GFRA1: variants seen among roughly 807,000 people sequenced by gnomAD.
GFRA1 encodes the protein GDNF family receptor alpha 1.
In GFRA1, 16 loss-of-function variants were observed where a neutral mutation model predicts 51.6. That is an observed-to-expected ratio of 0.31 (90% confidence interval 0.21 to 0.47). The LOEUF (loss-of-function observed/expected upper bound fraction) is 0.47. GFRA1 is among the 20% of genes least tolerant of loss of function. The probability of loss-of-function intolerance (pLI) is 1.00; values close to 1 mark genes in which losing one functional copy is unlikely to be tolerated. For missense variants in GFRA1, 530 were observed against 594.3 expected (o/e 0.89, Z 1.13); for synonymous variants, 270 against 241.3 (o/e 1.12, Z -1.10).
At chr10:116,180,654 G>T (rs1962124066) in intron 5 of GFRA1, among the ~76,000 whole-genome samples, 1 of 152,018 alleles carries the variant, frequency 6.6e-6, no homozygotes, top group Non-Finnish European at 1.5e-5. Context: ...GCCAATCATT[G>T]GCCTCTCTGC....
chr10:116,226,689 CT>C (rs1323054423), intron 4 of GFRA1: 21 of 250,834 alleles, frequency 8.4e-5, no homozygotes, highest in Admixed American at 4.6e-4. Flanking sequence ...CACTTTATTT[CT>C]ATTAGTACTA....
chr10:116,229,485 A>G (rs1043137263), intron 4 of GFRA1, among the ~76,000 whole-genome samples: 3 of 152,194 alleles, frequency 2.0e-5, no homozygotes, highest in Admixed American at 6.5e-5. Flanking sequence ...AACCAATACC[A>G]ACAATAGCAT....
chr10:116,156,224 A>G (rs17094255), intron 5 of GFRA1, among the ~76,000 whole-genome samples: 1,585 of 152,302 alleles, frequency 0.01, 35 homozygotes, highest in African/African-American at 0.036. Flanking sequence ...TTTGAATGAG[A>G]ATAATCTATC....
chr10:116,211,650 CAAGA>C lies in GFRA1; in HGVS notation c.419-9_419-6del. ...ACTTACCTTGCTGAAAAACATCTGC[CAAGA>C]AAGAAGAAAAGTAGGGGAGGGGAGA... On this transcript the variant is annotated splice_polypyrimidine_tract_variant and splice_region_variant and intron_variant, in intron 4 of 10. Transcript: ENST00000355422. The C allele has an allele frequency of 1.3e-6, 2 of 1,549,546 alleles. No individual in the cohort carries two copies. Among genetic ancestry groups the C allele is most frequent in the Non-Finnish European group, 1.7e-6 (2 of 1,145,562 alleles).
intron 5 of GFRA1, among the ~76,000 whole-genome samples, chr10:116,163,074 T>G (rs544426203): frequency 1.3e-5 from 2 of 152,272 alleles, no homozygotes; most frequent in East Asian, 3.9e-4. Context: ...GCCTCACTCT[T>G]AATCACCCCA....
At chr10:116,261,523 CCT>C (rs1020591600) in intron 4 of GFRA1, among the ~76,000 whole-genome samples, 67 of 152,266 alleles carry the variant, frequency 4.4e-4, no homozygotes, top group African/African-American at 1.5e-3. Context: ...TCTCTTTTCC[CCT>C]GTCTTCTGCA....
intron 6 of GFRA1, among the ~76,000 whole-genome samples, chr10:116,117,997 G>A (rs1052423623): frequency 1.8e-4 from 28 of 151,576 alleles, no homozygotes; most frequent in African/African-American, 6.1e-4. Flanking sequence ...TGGTGCTCCC[G>A]AGATTCAGCC....
At chr10:116,083,609 C>T (rs1168545349) in intron 9 of GFRA1, among the ~76,000 whole-genome samples, 1 of 152,132 alleles carries the variant, frequency 6.6e-6, no homozygotes, top group Non-Finnish European at 1.5e-5. Flanking sequence ...TTTTAAAACT[C>T]GACACTTAAA....
chr10:116,251,060 G>A (rs756511319), intron 4 of GFRA1, among the ~76,000 whole-genome samples: 4 of 152,134 alleles, frequency 2.6e-5, no homozygotes, highest in Non-Finnish European at 5.9e-5. Context: ...CGTGTAAAAG[G>A]GTCCCCTTCT....
intron 9 of GFRA1, among the ~76,000 whole-genome samples, chr10:116,082,603 C>T (rs1287108385): frequency 6.6e-6 from 1 of 152,104 alleles, no homozygotes; most frequent in Non-Finnish European, 1.5e-5. Context: ...GCTTCAGCCT[C>T]CTGAGTAGCT....
intron 6 of GFRA1, among the ~76,000 whole-genome samples, chr10:116,105,523 C>A (rs1263923978): frequency 6.6e-6 from 1 of 152,134 alleles, no homozygotes; most frequent in Non-Finnish European, 1.5e-5. Flanking sequence ...TCCACCATGG[C>A]TTCATTTAAT....
intron 4 of GFRA1, among the ~76,000 whole-genome samples, chr10:116,259,511 T>A (rs1175214675): frequency 6.6e-6 from 1 of 152,222 alleles, no homozygotes; most frequent in Non-Finnish European, 1.5e-5. Context: ...ATAGTACGCG[T>A]GTTCTGGATT....
chr10:116,108,445 A>C (rs1286258432), intron 6 of GFRA1, among the ~76,000 whole-genome samples: 4 of 152,116 alleles, frequency 2.6e-5, no homozygotes, highest in African/African-American at 7.2e-5. Flanking sequence ...TTAGCAACCC[A>C]TTCTCACACT....
chr10:116,103,788 C>T (rs996542600), intron 6 of GFRA1, among the ~76,000 whole-genome samples: 1 of 152,190 alleles, frequency 6.6e-6, no homozygotes, highest in Non-Finnish European at 1.5e-5. Context: ...TAGAAAATTA[C>T]CTTAGCCCCT....
chr10:116,269,015 A>G (rs1969882105), intron 4 of GFRA1, among the ~76,000 whole-genome samples: 2 of 152,318 alleles, frequency 1.3e-5, no homozygotes, highest in South Asian at 4.1e-4. Flanking sequence ...CAAATGGCAG[A>G]GCTTAATCTT....
chr10:116,135,773 G>T (rs1321335046), intron 5 of GFRA1, among the ~76,000 whole-genome samples: 1 of 152,108 alleles, frequency 6.6e-6, no homozygotes, highest in African/African-American at 2.4e-5. Flanking sequence ...GAGGACTCAA[G>T]CAAAACAGCT....
intron 4 of GFRA1, among the ~76,000 whole-genome samples, chr10:116,213,996 A>T (rs567279416): frequency 2.8e-4 from 42 of 152,252 alleles, no homozygotes; most frequent in Non-Finnish European, 6.0e-4. Flanking sequence ...ACTATACAGT[A>T]GTCTCTAACC....
chr10:116,103,877 AG>A (rs1263511600), intron 6 of GFRA1, among the ~76,000 whole-genome samples: 4 of 152,152 alleles, frequency 2.6e-5, no homozygotes, highest in Non-Finnish European at 5.9e-5. Flanking sequence ...TACATTTTGC[AG>A]GGGGTGTTAT....
In GFRA1 at chr10:116,200,184, G is replaced by A. The variant is rs1964217186; in HGVS notation, c.433+11447C>T. 3.3e-5 allele frequency among the ~76,000 whole-genome samples: 5 copies of A among 152,204 alleles called. No homozygotes were observed. The South Asian group carries it at 8.3e-4, about 25-fold the overall frequency. ...AGCTGCTATGAAGATTTGTGTACAA[G>A]TCTCCTTCTTAGACACATGCTTTCA... On this transcript the variant is annotated intron_variant, in intron 5 of 10. Coordinates refer to ENST00000355422, the MANE Select transcript of GFRA1 (RefSeq NM_005264.8).
Sources: allele counts gnomAD v4.1 joint callset (sites outside exome capture counted in the v4.1 genomes callset), GRCh38; gene constraint gnomAD v4.1.1; transcripts MANE v1.5; gene names NCBI Gene and HGNC (gene_info 2026-07-23, HGNC 2026-07-21).